The following GAS7 variants were observed in gnomAD, a reference collection of about 807,000 sequenced individuals.
GAS7 encodes growth arrest-specific protein 7.
Under a neutral mutation model 71.1 loss-of-function variants are expected in GAS7, and 28 were observed. The ratio of observed to expected loss-of-function variants is 0.39; its 90% confidence interval spans 0.29 to 0.54. The LOEUF (loss-of-function observed/expected upper bound fraction) is 0.54. GAS7 is among the 20% of genes least tolerant of loss of function. The pLI, the probability that GAS7 is intolerant of heterozygous loss-of-function variation, is 0.62. For missense variants in GAS7, 436 were observed against 627.8 expected (o/e 0.69, Z 3.27); for synonymous variants, 258 against 245.8 (o/e 1.05, Z -0.46).
chr17:10,100,951 TG>T (rs1231475830), intron 1 of GAS7, among the ~76,000 whole-genome samples: 3 of 152,172 alleles, frequency 2.0e-5, no homozygotes, highest in Admixed American at 6.5e-5. Flanking sequence ...GTAACAAATT[TG>T]CCCAAAAATT....
intron 9 of GAS7, chr17:9,927,012 C>G (rs2068027861): frequency 2.2e-6 from 1 of 454,378 alleles, no homozygotes; most frequent in East Asian, 3.2e-5. Context: ...TGGTTAGCAA[C>G]TAGAGCCTTC....
intron 1 of GAS7, among the ~76,000 whole-genome samples, chr17:10,159,078 A>ATGT (rs1364726526): frequency 8.7e-6 from 1 of 114,896 alleles, no homozygotes; most frequent in Non-Finnish European, 1.8e-5. Flanking sequence ...ATATATATAT[A>ATGT]TATATATATA....
intron 2 of GAS7, among the ~76,000 whole-genome samples, chr17:9,982,413 T>C (rs1375873944): frequency 6.6e-6 from 1 of 152,182 alleles, no homozygotes; most frequent in Admixed American, 6.5e-5. Context: ...CTAAGTCTCA[T>C]TTGAGCTGTA....
intron 1 of GAS7, among the ~76,000 whole-genome samples, chr17:10,093,203 T>A (rs558920563): frequency 3.2e-4 from 48 of 152,292 alleles, no homozygotes; most frequent in African/African-American, 1.1e-3. Flanking sequence ...GCCCCCACTA[T>A]CTCACCTTTA....
At chr17:10,162,431 T>TG (rs5819265) in intron 1 of GAS7, among the ~76,000 whole-genome samples, 152,324 of 152,336 alleles carry the variant, frequency 1, 76,156 homozygotes, top group Non-Finnish European at 1. Context: ...TCAAGTTTCC[T>TG]GGGTCCCCCC....
chr17:10,078,968 C>A (rs746491503), intron 1 of GAS7, among the ~76,000 whole-genome samples: 32 of 151,960 alleles, frequency 2.1e-4, no homozygotes, highest in Admixed American at 2.6e-4. Flanking sequence ...GTGGGAAGAT[C>A]GCTTGAGCAG....
chr17:10,079,020 A>G (rs2152250618), intron 1 of GAS7, among the ~76,000 whole-genome samples: 1 of 152,348 alleles, frequency 6.6e-6, no homozygotes, highest in South Asian at 2.1e-4. Context: ...ATGATGGTGA[A>G]GAAAGATCAA....
chr17:9,948,909 T>A (rs1336905701), intron 5 of GAS7, among the ~76,000 whole-genome samples: 1 of 152,160 alleles, frequency 6.6e-6, no homozygotes, highest in East Asian at 1.9e-4. Context: ...GCCTTATAAG[T>A]CTTTAACCCC....
chr17:9,929,723 C>T (rs973705067), intron 9 of GAS7, among the ~76,000 whole-genome samples: 9 of 152,100 alleles, frequency 5.9e-5, no homozygotes, highest in Non-Finnish European at 1.0e-4. Context: ...ATGATCCGCC[C>T]GCCTCGGCCT....
intron 4 of GAS7, among the ~76,000 whole-genome samples, chr17:9,964,624 T>G (rs535379469): frequency 6.6e-6 from 1 of 152,326 alleles, no homozygotes; most frequent in South Asian, 2.1e-4. Context: ...ATTCCAGTCT[T>G]AGAATAGGTA....
At chr17:10,051,391 C>T (rs536580392) in intron 1 of GAS7, among the ~76,000 whole-genome samples, 11 of 152,254 alleles carry the variant, frequency 7.2e-5, no homozygotes, top group African/African-American at 1.4e-4. Flanking sequence ...GGAAAGAGCA[C>T]GTGAATGACG....
intron 2 of GAS7, among the ~76,000 whole-genome samples, chr17:10,018,859 C>T (rs1056531327): frequency 2.6e-5 from 4 of 152,150 alleles, no homozygotes; most frequent in Admixed American, 6.6e-5. Flanking sequence ...GACTTGGGTA[C>T]GATTTTCATC....
At chr17:9,934,339 G>T in intron 8 of GAS7, 95 bp from the exon 9 acceptor site, 1 of 802,762 alleles carries the variant, frequency 1.2e-6, no homozygotes, top group South Asian at 1.5e-5. Flanking sequence ...GGAGGTATAT[G>T]ACAGCTGAGA....
chr17:9,937,447 G>A (rs1424529546), intron 8 of GAS7, among the ~76,000 whole-genome samples: 1 of 152,254 alleles, frequency 6.6e-6, no homozygotes, highest in Non-Finnish European at 1.5e-5. Context: ...CAGGCAGCAA[G>A]AGCTGCTCCT....
chr17:10,192,772 C>T (rs1221943600), intron 1 of GAS7, among the ~76,000 whole-genome samples: 1 of 152,200 alleles, frequency 6.6e-6, no homozygotes, highest in Non-Finnish European at 1.5e-5. Flanking sequence ...CTGAGGCTGA[C>T]AGAGTGGTGG....
At chr17:10,075,336 C>G (rs2073379030) in intron 1 of GAS7, among the ~76,000 whole-genome samples, 1 of 149,092 alleles carries the variant, frequency 6.7e-6, no homozygotes, top group Non-Finnish European at 1.5e-5. Context: ...GCCTGGGTGA[C>G]AGAGCAAGAC....
chr17:9,968,018 G>A (rs1183935969), intron 4 of GAS7, among the ~76,000 whole-genome samples: 1 of 152,216 alleles, frequency 6.6e-6, no homozygotes, highest in South Asian at 2.1e-4. Context: ...TGATTTTGAG[G>A]ATGGGGAGCT....
At chr17:9,968,078 C>T (rs2069795572) in intron 4 of GAS7, among the ~76,000 whole-genome samples, 1 of 152,216 alleles carries the variant, frequency 6.6e-6, no homozygotes, top group Non-Finnish European at 1.5e-5. Flanking sequence ...AGATTTCTGT[C>T]ATCGTTGCTG....
At chr17:9,962,527 C>T (rs888647247) in intron 4 of GAS7, among the ~76,000 whole-genome samples, 1 of 152,186 alleles carries the variant, frequency 6.6e-6, no homozygotes, top group African/African-American at 2.4e-5. Context: ...AATTTGAGCA[C>T]AAATATGAAT....
Sources: gnomAD v4.1 joint callset for allele counts (sites outside exome capture counted in the v4.1 genomes callset) on GRCh38, gnomAD v4.1.1 for gene constraint, MANE v1.5 for transcripts, NCBI Gene and HGNC (gene_info 2026-07-23, HGNC 2026-07-21) for gene names.